The following ALPK2 variants were observed in gnomAD, a reference collection of about 807,000 sequenced individuals.
ALPK2 encodes alpha-protein kinase 2.
A neutral mutation model predicts 163.1 loss-of-function variants in ALPK2; 127 were observed. The observed-to-expected ratio is 0.78, with a 90% CI of 0.67 to 0.90. ALPK2 has a LOEUF of 0.90. Among genes scored for constraint, ALPK2 ranks in the 40% least tolerant of loss-of-function variants. The probability of loss-of-function intolerance (pLI) is 0.00; values close to 1 mark genes in which losing one functional copy is unlikely to be tolerated. For synonymous variants in ALPK2, 953 were observed against 959.1 expected (o/e 0.99, Z 0.12); for missense variants, 2,360 against 2,589.6 (o/e 0.91, Z 1.92).
At chr18:58,597,799 C>A (rs1037049400) in intron 3 of ALPK2, among the ~76,000 whole-genome samples, 1 of 152,216 alleles carries the variant, frequency 6.6e-6, no homozygotes, top group African/African-American at 2.4e-5. Flanking sequence ...TATTTGGAGG[C>A]AGGGCCTCTG....
chr18:58,601,558 A>G (rs957903182), intron 3 of ALPK2, among the ~76,000 whole-genome samples: 1 of 152,194 alleles, frequency 6.6e-6, no homozygotes, highest in African/African-American at 2.4e-5. Context: ...GAGGCCCTGC[A>G]GCTCCGTGAC....
At chr18:58,531,695 T>C (rs2051615662) in intron 5 of ALPK2, among the ~76,000 whole-genome samples, 1 of 146,396 alleles carries the variant, frequency 6.8e-6, no homozygotes, top group African/African-American at 2.5e-5. Context: ...GGTGGCTCAT[T>C]TTGGGAGGCC....
In ALPK2 at chr18:58,602,454, A is replaced by G. The variant is rs181104675; in HGVS notation, c.227+4868T>C. 2.0e-5 allele frequency among the ~76,000 whole-genome samples: 3 copies of G among 151,942 alleles called. No homozygotes were observed. The East Asian group carries it at 5.8e-4, about 29-fold the overall frequency. On this transcript the variant is annotated intron_variant, in intron 3 of 12. Transcript: ENST00000361673. ...TGGTCCCTCAAAGGTTCCAGGGAAG[A>G]CTCTTCTCTTGCCCCTTCCTAGCCT...
rs144642423 is a variant in ALPK2 at position 58,535,489 on chromosome 18, G to A, written c.4698C>T (p.Asp1566=). 3.5e-5 allele frequency: 56 copies of A among 1,614,196 alleles called. 1 individual carries two copies. Among genetic ancestry groups the A allele is most frequent in the South Asian group, 1.4e-4 (13 of 91,080 alleles). ...GCTCAACTATGTCATTTTCAGGGAC[G>A]TCATGAATTTGGCCTGTGGAGTTGT... ...DTHNSTGQIH[D]VPENDIVEPR... The change falls in exon 5 of 13, where the codon GAC becomes GAT. Residue 1566 remains aspartate (D), a synonymous_variant. Coordinates refer to ENST00000361673, the MANE Select transcript of ALPK2 (RefSeq NM_052947.4).
At chr18:58,616,707 A>C (rs562086814) in intron 1 of ALPK2, among the ~76,000 whole-genome samples, 77 of 152,262 alleles carry the variant, frequency 5.1e-4, no homozygotes, top group African/African-American at 1.8e-3. Context: ...TCTCTGCAAA[A>C]TCGCCTGTGG....
At chr18:58,626,366 ACTT>A (rs1296870700) in intron 1 of ALPK2, among the ~76,000 whole-genome samples, 3 of 151,886 alleles carry the variant, frequency 2.0e-5, no homozygotes, top group Non-Finnish European at 4.4e-5. Context: ...TGGAAACTAC[ACTT>A]CTTCTGAGTT....
At chr18:58,574,946 G>A (rs925852369) in intron 4 of ALPK2, among the ~76,000 whole-genome samples, 12 of 152,306 alleles carry the variant, frequency 7.9e-5, no homozygotes, top group Admixed American at 7.2e-4. Flanking sequence ...GGGCATGGTG[G>A]CTCACGCCTG....
At chr18:58,582,265 T>C (rs1343156469) in intron 3 of ALPK2, among the ~76,000 whole-genome samples, 1 of 152,198 alleles carries the variant, frequency 6.6e-6, no homozygotes, top group African/African-American at 2.4e-5. Flanking sequence ...ACCAGACGAA[T>C]TCTTCAAGAA....
Position 58,578,740 on chromosome 18 carries a change from A to ACACGCGCGCACGCGCG in ALPK2, c.1962+73_1962+74insCGCGCGTGCGCGCGTG. The stretch of plus-strand genomic sequence containing the variant: ...ATGTGAAGTAAAGGAAGAGACACAC[A>ACACGCGCGCACGCGCG]CACACACACACACACACACACACAC... On this transcript the variant is annotated intron_variant, in intron 4 of 12. Transcript: ENST00000361673. The ACACGCGCGCACGCGCG allele has an allele frequency of 1.3e-5, 14 of 1,118,720 alleles. 1 individual carries two copies. The highest frequency in any genetic ancestry group is 1.6e-5 in the African/African-American group (1 of 63,720). The allele number at this position is 1,118,720 out of a possible 1,614,324, so 69.3% of individuals were successfully genotyped here.
intron 4 of ALPK2, among the ~76,000 whole-genome samples, chr18:58,545,681 A>G (rs553749250): frequency 6.6e-6 from 1 of 151,280 alleles, no homozygotes; most frequent in Admixed American, 6.6e-5. Flanking sequence ...CCTACCATGC[A>G]TAATTTTCAT....
intron 3 of ALPK2, among the ~76,000 whole-genome samples, chr18:58,585,481 A>G (rs2051980877): frequency 6.6e-6 from 1 of 152,206 alleles, no homozygotes; most frequent in Non-Finnish European, 1.5e-5. Context: ...GTGATACAAT[A>G]CATGGTTTTG....
intron 1 of ALPK2, among the ~76,000 whole-genome samples, chr18:58,621,772 C>A (rs71365367): frequency 6.6e-6 from 1 of 152,036 alleles, no homozygotes; most frequent in Non-Finnish European, 1.5e-5. Flanking sequence ...TTTCTGGATA[C>A]CTTGAATTTA....
In ALPK2 at chr18:58,580,332, C is replaced by CA. The variant is rs776231636; in HGVS notation, c.443_444insT (p.Lys148AsnfsTer15). The CA allele has an allele frequency of 1.2e-6, 2 of 1,613,984 alleles. No individual in the cohort carries two copies. The highest frequency in any genetic ancestry group is 1.7e-6 in the Non-Finnish European group (2 of 1,180,030). ...TGCCCGGGGAGATGCTTTCTTCTTCCTTATAAGGATGTTCCTTCTCATCAA... is the reference window on the plus strand; with the variant it reads ...TGCCCGGGGAGATGCTTTCTTCTTCCATTATAAGGATGTTCCTTCTCATCAA... On this transcript the variant is annotated frameshift_variant, in exon 4 of 13. Transcript: ENST00000361673. LOFTEE classifies it high-confidence loss of function.
intron 1 of ALPK2, among the ~76,000 whole-genome samples, chr18:58,623,284 C>G (rs2052211971): frequency 6.6e-6 from 1 of 152,086 alleles, no homozygotes; most frequent in African/African-American, 2.4e-5. Context: ...GTTGCCCAGG[C>G]TGTTCTCATA....
chr18:58,515,952 G>A (rs948635562), intron 9 of ALPK2, among the ~76,000 whole-genome samples: 2 of 152,196 alleles, frequency 1.3e-5, no homozygotes, highest in Non-Finnish European at 2.9e-5. Flanking sequence ...GGTGATTCAT[G>A]CCTGTAATCC....
rs1478568401 is a variant in ALPK2, at chr18:58,578,731, G to GACACACACACACACACACACAC, written c.1962+82_1962+83insGTGTGTGTGTGTGTGTGTGTGT. 3.1e-4 allele frequency: 32 copies of GACACACACACACACACACACAC among 104,308 alleles called. No homozygotes were observed. The African/African-American group carries it at 4.3e-3, about 14-fold the overall frequency. 6.5% of individuals were successfully genotyped at this position (104,308 alleles called of 1,614,324 possible). On this transcript the variant is annotated intron_variant, in intron 4 of 12. Coordinates refer to ENST00000361673, the MANE Select transcript of ALPK2 (RefSeq NM_052947.4). ...CAATTGTGAATGTGAAGTAAAGGAA[G>GACACACACACACACACACACAC]AGACACACACACACACACACACACA... is the stretch of plus-strand genomic sequence containing the variant.
intron 4 of ALPK2, among the ~76,000 whole-genome samples, chr18:58,551,495 A>C (rs1322344580): frequency 1.3e-5 from 2 of 152,174 alleles, no homozygotes; most frequent in African/African-American, 4.8e-5. Flanking sequence ...GTATGACCTT[A>C]TCTTAGCTAA....
At chr18:58,578,752 A>G (rs960528946) in intron 4 of ALPK2, 62 bp downstream of exon 4, 8,477 of 1,015,780 alleles carry the variant, frequency 8.3e-3, no homozygotes, top group Non-Finnish European at 0.01. Flanking sequence ...ACACACACAC[A>G]CACACACACA....
intron 5 of ALPK2, among the ~76,000 whole-genome samples, chr18:58,533,320 T>C (rs532468802): frequency 2.5e-4 from 38 of 152,358 alleles, no homozygotes; most frequent in Middle Eastern, 3.4e-3. Flanking sequence ...TTTGCTTGTC[T>C]ACCTTTACCT....
Sources: gnomAD v4.1 joint callset for allele counts (sites outside exome capture counted in the v4.1 genomes callset) on GRCh38, gnomAD v4.1.1 for gene constraint, MANE v1.5 for transcripts, NCBI Gene and HGNC (gene_info 2026-07-23, HGNC 2026-07-21) for gene names.